ITFG2: variants seen among roughly 807,000 people sequenced by gnomAD.
ITFG2 encodes integrin alpha FG-GAP repeat containing 2.
A neutral mutation model predicts 54.4 loss-of-function variants in ITFG2; 36 were observed. That is an observed-to-expected ratio of 0.66 (90% CI 0.51 to 0.87). The LOEUF is 0.87. Ranked by LOEUF, ITFG2 falls within the 40% of genes least tolerant of loss-of-function variation. The pLI is 0.00. For missense variants in ITFG2, 524 were observed against 576.7 expected (o/e 0.91, Z 0.94); for synonymous variants, 211 against 225.4 (o/e 0.94, Z 0.57).
intron 2 of ITFG2, chr12:2,857,921 C>T (rs1020978732): frequency 6.6e-6 from 1 of 152,514 alleles, no homozygotes; most frequent in Non-Finnish European, 1.5e-5. Context: ...TGGGCACCCA[C>T]ACTCTGCTTC....
intron 2 of ITFG2, among the ~76,000 whole-genome samples, chr12:2,844,890 C>T (rs2098049926): frequency 6.6e-6 from 1 of 152,186 alleles, no homozygotes; most frequent in Admixed American, 6.5e-5. Context: ...AGCCACACAT[C>T]GAAATTCCTG....
rs774431985 is a variant in ITFG2, at chr12:2,817,958, C to T, written c.234+8C>T. ...GTGTGTAATAAAGGAAAGGTAAGAA[C>T]TATAGGGGACCTTCCTTGGTTCTTA... On this transcript the variant is annotated splice_region_variant and intron_variant, in intron 3 of 11. Coordinates refer to ENST00000228799, the MANE Select transcript of ITFG2 (RefSeq NM_018463.4). 2 of 1,613,552 alleles carry T rather than the reference C, an allele frequency of 1.2e-6. No homozygotes were observed. The highest frequency in any genetic ancestry group is 1.7e-6 in the Non-Finnish European group (2 of 1,179,776).
chr12:2,853,580 T>TTTG (rs879668938), intron 2 of ITFG2, among the ~76,000 whole-genome samples: 3 of 151,832 alleles, frequency 2.0e-5, no homozygotes, highest in African/African-American at 2.4e-5. Flanking sequence ...GCCTGTTTTT[T>TTTG]TTGTTGTTGT....
chr12:2,854,789 C>G, intron 2 of ITFG2: 1 of 1,196,420 alleles, frequency 8.4e-7, no homozygotes, highest in Non-Finnish European at 1.1e-6. Flanking sequence ...TTCAGATGGC[C>G]AGAGCGGGGA....
intron 3 of ITFG2, chr12:2,858,960 A>G: frequency 1.2e-6 from 2 of 1,613,540 alleles, no homozygotes; most frequent in Non-Finnish European, 8.5e-7. Flanking sequence ...GCTGAGATCC[A>G]TCAGCCCCAG....
At chr12:2,829,885 C>T (rs2097991575), downstream of ITFG2, among the ~76,000 whole-genome samples, 4 of 152,032 alleles carry the variant, frequency 2.6e-5, no homozygotes, top group Admixed American at 2.6e-4. Flanking sequence ...TGAGACCAGC[C>T]TGACCAACCT....
upstream of ITFG2, among the ~76,000 whole-genome samples, chr12:2,835,860 G>A (rs1307370405): frequency 2.6e-5 from 4 of 152,218 alleles, no homozygotes; most frequent in East Asian, 7.7e-4. Flanking sequence ...GCAATATGTC[G>A]TTGGTTTTGT....
intron 2 of ITFG2, among the ~76,000 whole-genome samples, chr12:2,843,495 G>T (rs1373255149): frequency 1.3e-5 from 2 of 152,236 alleles, no homozygotes; most frequent in East Asian, 3.9e-4. Flanking sequence ...ATGGCATGGT[G>T]AACTCAGAGG....
At position 2,859,222 on chromosome 12, in the gene ITFG2, G is replaced by A. The variant is rs374013446; in HGVS notation, n.621-312G>A. On this transcript the variant is annotated intron_variant and non_coding_transcript_variant, in intron 3 of 3. Transcript: ENST00000537710. ...GGGAACGGGAGCTCTGCGGCCCAGC[G>A]GGAAGTACTGGGCCCCTCTGAGAAG... is the stretch of plus-strand genomic sequence containing the variant. 7.3e-5 allele frequency: 118 copies of A among 1,613,108 alleles called. No individual in the cohort carries two copies. The highest frequency in any genetic ancestry group is 3.3e-4 in the Middle Eastern group (2 of 6,082).
chr12:2,821,895 C>T (rs1346464926), intron 9 of ITFG2, 103 bp downstream of exon 9: 1 of 824,716 alleles, frequency 1.2e-6, no homozygotes, highest in Non-Finnish European at 1.9e-6. Flanking sequence ...GAACTCCCAA[C>T]CTTTATCTTT....
intron 1 of ITFG2, 179 bp downstream of exon 1, chr12:2,813,035 T>G: frequency 3.9e-6 from 2 of 515,432 alleles, no homozygotes. Context: ...TTTTGTTCCT[T>G]GGGAGGTTTT....
At chr12:2,832,253 C>G (rs2098006878), upstream of ITFG2, among the ~76,000 whole-genome samples, 1 of 151,992 alleles carries the variant, frequency 6.6e-6, no homozygotes, top group Non-Finnish European at 1.5e-5. Context: ...TCAAAGACCC[C>G]CCACCCTACC....
chr12:2,843,368 G>A (rs1005956031), intron 2 of ITFG2, among the ~76,000 whole-genome samples: 1 of 152,202 alleles, frequency 6.6e-6, no homozygotes, highest in Admixed American at 6.5e-5. Flanking sequence ...AAGGCTGCCA[G>A]GCAAGGACAA....
intron 2 of ITFG2, chr12:2,857,954 C>T (rs1410663538): frequency 6.6e-6 from 1 of 152,602 alleles, no homozygotes; most frequent in Non-Finnish European, 1.5e-5. Context: ...CCTCCCACCC[C>T]AAATTCAACT....
chr12:2,827,204 C>A, downstream of ITFG2: 1 of 1,614,080 alleles, frequency 6.2e-7, no homozygotes, highest in Non-Finnish European at 8.5e-7. This position sits in a 1 kb window ranked among gnomAD's most constrained non-coding sequence, Gnocchi z 4.0. Flanking sequence ...ACTGAGACAG[C>A]AGTCACTGGC....
At chr12:2,853,733 T>A (rs987106736) in intron 2 of ITFG2, among the ~76,000 whole-genome samples, 4 of 152,156 alleles carry the variant, frequency 2.6e-5, no homozygotes, top group African/African-American at 9.7e-5. Flanking sequence ...TTGTTACTCT[T>A]GCATGCGTAG....
At chr12:2,844,725 G>A (rs1408051052) in intron 2 of ITFG2, among the ~76,000 whole-genome samples, 1 of 151,736 alleles carries the variant, frequency 6.6e-6, no homozygotes, top group Non-Finnish European at 1.5e-5. Context: ...CCTTGCCTAA[G>A]CTGTGGGCCT....
chr12:2,816,892 C>T (rs979719777), intron 1 of ITFG2, among the ~76,000 whole-genome samples: 9 of 151,770 alleles, frequency 5.9e-5, no homozygotes, highest in African/African-American at 1.2e-4. Context: ...CCAATCCACC[C>T]GCCTCCACCT....
chr12:2,851,437 C>T (rs1401807911), intron 2 of ITFG2, among the ~76,000 whole-genome samples: 1 of 152,016 alleles, frequency 6.6e-6, no homozygotes, highest in Non-Finnish European at 1.5e-5. Context: ...CCACCTCCTG[C>T]ATTCAAGCGA....
Sources: allele counts gnomAD v4.1 joint callset (sites outside exome capture counted in the v4.1 genomes callset), GRCh38; gene constraint gnomAD v4.1.1; non-coding constraint Gnocchi (gnomAD v3.1); transcripts MANE v1.5; gene names NCBI Gene and HGNC (gene_info 2026-07-23, HGNC 2026-07-21).